The following EEPD1 variants were observed in gnomAD, a reference collection of about 807,000 sequenced individuals.
The protein encoded by EEPD1 is endonuclease/exonuclease/phosphatase family domain containing 1, also known as endonuclease/exonuclease/phosphatase family domain-containing protein 1.
A neutral mutation model predicts 46.3 loss-of-function variants in EEPD1; 17 were observed. The ratio of observed to expected loss-of-function variants is 0.37; its 90% CI spans 0.25 to 0.55. The LOEUF (loss-of-function observed/expected upper bound fraction) is 0.55, where lower values mean the gene tolerates loss of function less well. EEPD1 is among the 20% of genes least tolerant of loss of function. The pLI, the probability that EEPD1 is intolerant of heterozygous loss-of-function variation, is 0.83. For missense variants in EEPD1, 673 were observed against 745.6 expected (o/e 0.90, Z 1.13); for synonymous variants, 313 against 315.6 (o/e 0.99, Z 0.09).
At chr7:36,229,096 G>C (rs754741890) in intron 2 of EEPD1, among the ~76,000 whole-genome samples, 1 of 152,210 alleles carries the variant, frequency 6.6e-6, no homozygotes. Flanking sequence ...CCTGTCACTT[G>C]CTGTACAGTC....
chr7:36,218,227 G>A (rs1406244386), intron 2 of EEPD1, among the ~76,000 whole-genome samples: 1 of 152,068 alleles, frequency 6.6e-6, no homozygotes, highest in Non-Finnish European at 1.5e-5. Flanking sequence ...CCTTGTCCTC[G>A]GAGGTTATCT....
In EEPD1 at chr7:36,213,008, C is replaced by T. The variant is rs139552831; in HGVS notation, c.879-25977C>T. Among the ~76,000 whole-genome samples, 948 of 152,192 alleles carry T rather than the reference C, an allele frequency of 6.2e-3. 5 individuals are homozygous for T. Among genetic ancestry groups the T allele is most frequent in the African/African-American group, 0.022 (895 of 41,526 alleles). On this transcript the variant is annotated intron_variant, in intron 2 of 7. Coordinates refer to ENST00000242108, the MANE Select transcript of EEPD1 (RefSeq NM_030636.3). ...TCTCTACTAAAAATACAAAAATTAG[C>T]CAGGTATGGTGGCATACGCCTGTAA...
intron 2 of EEPD1, among the ~76,000 whole-genome samples, chr7:36,205,820 T>G (rs1785803437): frequency 6.6e-6 from 1 of 152,114 alleles, no homozygotes; most frequent in Non-Finnish European, 1.5e-5. Flanking sequence ...AAAGTGGAGT[T>G]TTCTGCAAAG....
chr7:36,186,746 G>A (rs17170525), intron 2 of EEPD1, among the ~76,000 whole-genome samples: 2,959 of 152,332 alleles, frequency 0.019, 88 homozygotes, highest in African/African-American at 0.067. Context: ...AGTACACAGG[G>A]TCGTTGCTGC....
At chr7:36,220,244 A>T (rs1164417911) in intron 2 of EEPD1, among the ~76,000 whole-genome samples, 2 of 152,200 alleles carry the variant, frequency 1.3e-5, no homozygotes, top group Non-Finnish European at 2.9e-5. Flanking sequence ...ATACCTTCAG[A>T]TGATGTTTGC....
chr7:36,166,042 A>C (rs1784977265), intron 2 of EEPD1, among the ~76,000 whole-genome samples: 1 of 152,226 alleles, frequency 6.6e-6, no homozygotes, highest in Non-Finnish European at 1.5e-5. Context: ...GATGGCTTAT[A>C]AATACCTTTC....
At position 36,204,051 on chromosome 7, in the gene EEPD1, T is replaced by TA. The variant is rs1358464916; in HGVS notation, c.879-34933dup. ...TTTTTTCTTTTTCTTTTTTTTTTTTTAGACACAGAGCCTTACTCTGTGGCC... is the reference window on the plus strand; with the variant it reads ...TTTTTTCTTTTTCTTTTTTTTTTTTTAAGACACAGAGCCTTACTCTGTGGCC... On this transcript the variant is annotated intron_variant, in intron 2 of 7. Transcript: ENST00000242108. Among the ~76,000 whole-genome samples the TA allele has an allele frequency of 2.1e-4, 31 of 150,454 alleles. No homozygotes were observed. The East Asian group carries it at 5.8e-3, about 28-fold the overall frequency.
chr7:36,289,408 C>G (rs1454766925), intron 6 of EEPD1, among the ~76,000 whole-genome samples: 1 of 152,168 alleles, frequency 6.6e-6, no homozygotes, highest in African/African-American at 2.4e-5. Flanking sequence ...CTAGGTGCCC[C>G]AAATAAGTAG....
chr7:36,285,062 G>T (rs568335940), intron 5 of EEPD1, among the ~76,000 whole-genome samples: 3 of 152,166 alleles, frequency 2.0e-5, no homozygotes, highest in Non-Finnish European at 2.9e-5. Flanking sequence ...GGAGAGGGGG[G>T]AAGGAGGGAG....
At chr7:36,291,918 T>TA (rs1226434880) in intron 6 of EEPD1, among the ~76,000 whole-genome samples, 1 of 152,260 alleles carries the variant, frequency 6.6e-6, no homozygotes, top group Non-Finnish European at 1.5e-5. Context: ...TCAGGATTTC[T>TA]ACTCGCTTTG....
intron 3 of EEPD1, among the ~76,000 whole-genome samples, chr7:36,248,825 C>A (rs184095405): frequency 6.6e-6 from 1 of 152,132 alleles, no homozygotes; most frequent in East Asian, 1.9e-4. Flanking sequence ...GGGTGGGTAC[C>A]ATTGTGGAGC....
intron 3 of EEPD1, among the ~76,000 whole-genome samples, chr7:36,249,190 A>C (rs1240332627): frequency 6.6e-6 from 1 of 152,206 alleles, no homozygotes; most frequent in Non-Finnish European, 1.5e-5. Context: ...TCCCTCAGCT[A>C]TCAAAGATAA....
At chr7:36,163,588 C>A (rs1833178) in intron 2 of EEPD1, among the ~76,000 whole-genome samples, 2 of 151,972 alleles carry the variant, frequency 1.3e-5, no homozygotes, top group Non-Finnish European at 2.9e-5. Context: ...ATAAAAAGCT[C>A]TTCTGTTCAG....
intron 2 of EEPD1, among the ~76,000 whole-genome samples, chr7:36,211,081 G>C (rs1239411616): frequency 2.6e-5 from 4 of 152,196 alleles, no homozygotes; most frequent in African/African-American, 4.8e-5. Flanking sequence ...CTGTCACACA[G>C]AGTCAACAGA....
chr7:36,296,116 C>T (rs141127241), intron 6 of EEPD1, among the ~76,000 whole-genome samples: 1 of 150,688 alleles, frequency 6.6e-6, no homozygotes, highest in Non-Finnish European at 1.5e-5. Flanking sequence ...TTAAAAGTGA[C>T]CAGCAGCAGG....
intron 7 of EEPD1, among the ~76,000 whole-genome samples, chr7:36,297,676 A>G (rs1787549132): frequency 6.6e-6 from 1 of 152,246 alleles, no homozygotes; most frequent in African/African-American, 2.4e-5. Context: ...TGCAGTGTGT[A>G]GACATGCTAT....
At chr7:36,238,619 G>T (rs941573630) in intron 2 of EEPD1, among the ~76,000 whole-genome samples, 1 of 152,114 alleles carries the variant, frequency 6.6e-6, no homozygotes, top group South Asian at 2.1e-4. Context: ...TATATACTAC[G>T]TTTTGCTTAT....
intron 2 of EEPD1, among the ~76,000 whole-genome samples, chr7:36,174,800 T>TA (rs1238085936): frequency 6.6e-6 from 1 of 152,212 alleles, no homozygotes; most frequent in East Asian, 1.9e-4. Flanking sequence ...TTTCTAAGAT[T>TA]AAAAAACTTA....
intron 2 of EEPD1, among the ~76,000 whole-genome samples, chr7:36,238,509 G>T (rs1786496699): frequency 6.6e-6 from 1 of 152,166 alleles, no homozygotes. Flanking sequence ...TGTCTTTTGT[G>T]ACTGGCTTAC....
Sources: allele counts gnomAD v4.1 joint callset (sites outside exome capture counted in the v4.1 genomes callset), GRCh38; gene constraint gnomAD v4.1.1; transcripts MANE v1.5; gene names NCBI Gene and HGNC (gene_info 2026-07-23, HGNC 2026-07-21).